The following CNIH3 variants were observed in gnomAD, a reference collection of about 807,000 sequenced individuals.
The protein encoded by CNIH3 is cornichon family AMPA receptor auxiliary protein 3.
A neutral mutation model predicts 24.1 loss-of-function variants in CNIH3; 14 were observed. The observed-to-expected ratio is 0.58, with a 90% CI of 0.38 to 0.91. The LOEUF (loss-of-function observed/expected upper bound fraction) is 0.91, where lower values mean the gene tolerates loss of function less well. Ranked by LOEUF, CNIH3 falls within the 40% of genes least tolerant of loss-of-function variation. The pLI is 0.00. For synonymous variants in CNIH3, 68 were observed against 73.8 expected (o/e 0.92, Z 0.40); for missense variants, 178 against 196.8 (o/e 0.90, Z 0.57).
intron 3 of CNIH3, among the ~76,000 whole-genome samples, chr1:224,729,479 A>AT (rs1167881852): frequency 6.7e-6 from 1 of 150,328 alleles, no homozygotes; most frequent in Non-Finnish European, 1.5e-5. Context: ...GTTTCAAAAG[A>AT]TTTTGATGGG....
downstream of CNIH3, among the ~76,000 whole-genome samples, chr1:224,541,980 C>T (rs1276535107): frequency 2.0e-5 from 3 of 152,164 alleles, no homozygotes; most frequent in Admixed American, 6.5e-5. Flanking sequence ...CTTCCCCAGC[C>T]AAGACAAGTC....
At chr1:224,549,771 A>T (rs554494499) in intron 3 of CNIH3, among the ~76,000 whole-genome samples, 2 of 152,274 alleles carry the variant, frequency 1.3e-5, no homozygotes, top group Admixed American at 1.3e-4. Flanking sequence ...CTATGGAAAT[A>T]TCAGAGTGAT....
At chr1:224,481,861 G>T (rs1304510727) in intron 1 of CNIH3, among the ~76,000 whole-genome samples, 1 of 152,194 alleles carries the variant, frequency 6.6e-6, no homozygotes, top group Non-Finnish European at 1.5e-5. Context: ...CTTGGGCCTT[G>T]GATGGGTCCA....
rs572141538 is a variant in CNIH3, at chr1:224,510,333, G to A, written n.204-5408G>A. Among the ~76,000 whole-genome samples the A allele has an allele frequency of 1.1e-4, 16 of 152,176 alleles. No homozygotes were observed. In the East Asian group the frequency reaches 2.7e-3, roughly 26 times the overall value. On this transcript the variant is annotated intron_variant and non_coding_transcript_variant, in intron 1 of 5. Coordinates refer to the CNIH3 transcript ENST00000471578. ...GCAGGCATGGAGTGTCAGTAGGGGCGCCCCGTGGTCAGCGTTGTGTTTTAA... is the reference window on the plus strand; with the variant it reads ...GCAGGCATGGAGTGTCAGTAGGGGCACCCCGTGGTCAGCGTTGTGTTTTAA...
chr1:224,471,865 C>T (rs542940192), intron 1 of CNIH3, among the ~76,000 whole-genome samples: 39 of 152,288 alleles, frequency 2.6e-4, no homozygotes, highest in African/African-American at 9.4e-4. Context: ...GCTGGGATTA[C>T]AGGTGTGAGC....
intron 1 of CNIH3, among the ~76,000 whole-genome samples, chr1:224,472,425 A>G (rs1676409851): frequency 6.6e-6 from 1 of 152,224 alleles, no homozygotes; most frequent in Non-Finnish European, 1.5e-5. Flanking sequence ...AACATGGTAT[A>G]TATGTATACA....
chr1:224,518,529 G>A (rs1337169887), intron 1 of CNIH3, among the ~76,000 whole-genome samples: 1 of 150,740 alleles, frequency 6.6e-6, no homozygotes, highest in Admixed American at 6.6e-5. Flanking sequence ...ACAGGGTCTT[G>A]CTATGCTTCC....
chr1:224,652,505 G>A (rs1572661777), intron 1 of CNIH3, among the ~76,000 whole-genome samples: 1 of 152,198 alleles, frequency 6.6e-6, no homozygotes, highest in Admixed American at 6.5e-5. Context: ...CAGTTGATTA[G>A]TGTAGGAAGA....
At chr1:224,488,727 C>CA (rs2124840499) in intron 1 of CNIH3, among the ~76,000 whole-genome samples, 1 of 152,208 alleles carries the variant, frequency 6.6e-6, no homozygotes, top group Non-Finnish European at 1.5e-5. Flanking sequence ...CCCGTCTTTC[C>CA]AAAATGCTTG....
chr1:224,547,583 A>G (rs546351559), intron 3 of CNIH3, among the ~76,000 whole-genome samples: 1 of 151,902 alleles, frequency 6.6e-6, no homozygotes, highest in South Asian at 2.1e-4. Flanking sequence ...TTCATAATAT[A>G]TAAGGGAGAT....
intron 1 of CNIH3, among the ~76,000 whole-genome samples, chr1:224,475,210 G>T (rs1310669567): frequency 6.7e-6 from 1 of 150,252 alleles, no homozygotes; most frequent in Non-Finnish European, 1.5e-5. Flanking sequence ...CAGAAAATTA[G>T]CTGGTCGTGG....
intron 3 of CNIH3, among the ~76,000 whole-genome samples, chr1:224,608,132 G>C (rs1558205755): frequency 6.6e-6 from 1 of 152,132 alleles, no homozygotes; most frequent in Non-Finnish European, 1.5e-5. Context: ...GAGCAGGAGA[G>C]AACGTTTATT....
At chr1:224,509,892 C>T (rs1021894398) in intron 1 of CNIH3, among the ~76,000 whole-genome samples, 39 of 152,176 alleles carry the variant, frequency 2.6e-4, no homozygotes, top group Non-Finnish European at 3.2e-4. Context: ...CAGGGGCGAG[C>T]CCCAGCTGTC....
intron 1 of CNIH3, among the ~76,000 whole-genome samples, chr1:224,504,234 T>C (rs1405594593): frequency 6.6e-6 from 1 of 152,170 alleles, no homozygotes; most frequent in Admixed American, 6.5e-5. Flanking sequence ...ACAACCTACT[T>C]CCTAGCACCC....
chr1:224,609,868 T>C (rs571927993), intron 3 of CNIH3, among the ~76,000 whole-genome samples: 21 of 152,104 alleles, frequency 1.4e-4, no homozygotes, highest in South Asian at 6.2e-4. Flanking sequence ...GGAGATAAGG[T>C]TGGAAAAAGC....
At chr1:224,437,789 G>T (rs1296983904) in intron 1 of CNIH3, among the ~76,000 whole-genome samples, 2 of 152,146 alleles carry the variant, frequency 1.3e-5, no homozygotes, top group South Asian at 4.1e-4. Flanking sequence ...TATTTCTTCT[G>T]TAGGCCATTG....
chr1:224,585,518 G>T (rs1203160006), intron 5 of CNIH3, among the ~76,000 whole-genome samples: 4 of 150,150 alleles, frequency 2.7e-5, no homozygotes, highest in Non-Finnish European at 5.9e-5. Context: ...CTGCTCCATT[G>T]CCCAGGCTGG....
intron 4 of CNIH3, among the ~76,000 whole-genome samples, chr1:224,570,721 T>C (rs559829393): frequency 2.6e-5 from 4 of 152,324 alleles, no homozygotes; most frequent in African/African-American, 4.8e-5. Flanking sequence ...TTATAGTTTA[T>C]ATTTTTGTAT....
chr1:224,589,954 G>A (rs1287248880), downstream of CNIH3, among the ~76,000 whole-genome samples: 3 of 152,034 alleles, frequency 2.0e-5, no homozygotes, highest in Non-Finnish European at 4.4e-5. Flanking sequence ...TCAGCTCACT[G>A]CAACCTCTGC....
Sources: gnomAD v4.1 joint callset for allele counts (sites outside exome capture counted in the v4.1 genomes callset) on GRCh38, gnomAD v4.1.1 for gene constraint, MANE v1.5 for transcripts, NCBI Gene and HGNC (gene_info 2026-07-23, HGNC 2026-07-21) for gene names.